C3: variants seen among roughly 807,000 people sequenced by gnomAD.
C3 encodes C3 and PZP-like alpha-2-macroglobulin domain-containing protein 1.
C3 carries 97 observed loss-of-function variants against 207.9 expected under a neutral mutation model. The observed-to-expected ratio is 0.47, with a 90% CI of 0.40 to 0.55. C3 has a LOEUF of 0.55. Among genes scored for constraint, C3 ranks in the 20% least tolerant of loss-of-function variants. The pLI is 0.00. For synonymous variants in C3, 848 were observed against 857.6 expected (o/e 0.99, Z 0.20); for missense variants, 1,684 against 2,171.7 (o/e 0.78, Z 4.46).
intron 26 of C3, 79 bp downstream of exon 26, chr19:6,692,845 G>T: frequency 6.5e-7 from 1 of 1,531,310 alleles, no homozygotes; most frequent in Non-Finnish European, 9.0e-7. Context: ...GCACATGGAG[G>T]TGGGGCTCTC....
Position 6,713,406 on chromosome 19 carries a change from C to CCGGA in C3, c.873_876dup (p.Ile293SerfsTer3). ...ATCAAAGCGGCCTCCGTCTATGGTACCGGAATGCGCTTGAGGGATTCAGGC... is the reference window on the plus strand; with the variant it reads ...ATCAAAGCGGCCTCCGTCTATGGTACCGGACGGAATGCGCTTGAGGGATTCAGGC... On this transcript the variant is annotated frameshift_variant and splice_region_variant. Coordinates refer to ENST00000245907, the MANE Select transcript of C3 (RefSeq NM_000064.4). LOFTEE classifies it high-confidence loss of function. 1 of 1,613,870 alleles carries CCGGA rather than the reference C, an allele frequency of 6.2e-7. No homozygotes were observed. The highest frequency in any genetic ancestry group is 1.7e-5 in the Admixed American group (1 of 60,012).
rs773643108 is a variant in C3, at chr19:6,693,408, T to C, written c.3230+4A>G. 3 of 1,608,686 alleles carry C rather than the reference T, an allele frequency of 1.9e-6. No homozygotes were observed. In the South Asian group the frequency reaches 3.3e-5, roughly 18 times the overall value. On this transcript the variant is annotated splice_donor_region_variant and intron_variant, in intron 25 of 40. Coordinates refer to ENST00000245907, the MANE Select transcript of C3 (RefSeq NM_000064.4). The stretch of plus-strand genomic sequence containing the variant: ...CATGGCCTGAGCTGGCTGTTGGGAC[T>C]CACCAGGTGCTGGGTGCCCGTTTCA...
rs773558774 is a variant in C3, at chr19:6,679,119, A to C, written c.4630+6T>G. 2 of 1,609,432 alleles carry C rather than the reference A, an allele frequency of 1.2e-6. No individual in the cohort carries two copies. The highest frequency in any genetic ancestry group is 2.2e-5 in the South Asian group (2 of 90,980). ...CATGCGTGACCCCCACCCATCACCC[A>C]CTCACCATAGTCCACTCCTGGCTCA... is the stretch of plus-strand genomic sequence containing the variant. On this transcript the variant is annotated splice_donor_region_variant and intron_variant, in intron 38 of 40. Transcript: ENST00000245907.
At chr19:6,694,682 ACCTT>A in intron 23 of C3, 48 bp from the exon 24 acceptor site, 1 of 1,568,802 alleles carries the variant, frequency 6.4e-7, no homozygotes, top group Non-Finnish European at 8.7e-7. Flanking sequence ...TGGGTGACCC[ACCTT>A]GGGGTGGCGT....
chr19:6,690,558 C>G, intron 27 of C3, 71 bp downstream of exon 27: 3 of 1,223,958 alleles, frequency 2.5e-6, no homozygotes, highest in Non-Finnish European at 3.6e-6. Flanking sequence ...AAGGCAACCT[C>G]TCACTCTCCA....
In C3 at chr19:6,693,078, G is replaced by A; in HGVS notation, c.3236C>T (p.Thr1079Ile). 1 of 1,613,992 alleles carries A rather than the reference G, an allele frequency of 6.2e-7. No individual in the cohort carries two copies. ...AGAGAAGACCTTGACCACGTAGGCG[G>A]TCAGCCTGGAGTGGGCACAGAGCAT... ...FVKRAPSTWL[T>I]AYVVKVFSLA... is the part of the protein sequence containing the mutation. The change falls in exon 26 of 41, where the codon ACC becomes ATC. Residue 1079 changes from threonine (T) to isoleucine (I), a missense_variant. By Grantham distance (89) the Thr-to-Ile change is moderately conservative. Coordinates refer to ENST00000245907, the MANE Select transcript of C3 (RefSeq NM_000064.4).
rs1415251352 is a variant in C3 at position 6,686,802 on chromosome 19, G to A, written c.3590C>T (p.Ala1197Val). ...AGGCCCCTTCAGCCTGCCCATCTGGGCCAGAGCATAGCCAGCAATGGCCAC... is the reference window on the plus strand; with the variant it reads ...AGGCCCCTTCAGCCTGCCCATCTGGACCAGAGCATAGCCAGCAATGGCCAC... ...YTVAIAGYAL[A>V]QMGRLKGPLL... Residue 1197 changes from alanine to valine, a missense_variant, in exon 28 of 41, where the codon GCC (alanine) becomes GTC (valine). Coordinates refer to ENST00000245907, the MANE Select transcript of C3 (RefSeq NM_000064.4). 6.2e-7 allele frequency: 1 copy of A among 1,614,180 alleles called. No individual in the cohort carries two copies. Among genetic ancestry groups the A allele is most frequent in the Non-Finnish European group, 8.5e-7 (1 of 1,180,032 alleles).
chr19:6,702,020 A>C, intron 19 of C3, 107 bp downstream of exon 19: 1 of 744,910 alleles, frequency 1.3e-6, no homozygotes, highest in African/African-American at 1.7e-5. Context: ...AGGGCAGAGA[A>C]TAAAGTGCCA....
chr19:6,695,453 CTA>C (rs957967738), intron 23 of C3, among the ~76,000 whole-genome samples: 1 of 152,046 alleles, frequency 6.6e-6, no homozygotes, highest in African/African-American at 2.4e-5. Context: ...TGCTCTTGTA[CTA>C]TGTTGCTTGT....
At position 6,718,391 on chromosome 19, in the gene C3, T is replaced by G; in HGVS notation, c.289A>C (p.Lys97Gln). 1 of 1,614,204 alleles carries G rather than the reference T, an allele frequency of 6.2e-7. No homozygotes were observed. ...TFTIPANREF[K>Q]SEKGRNKFVT... ...AACTTGTTGCGCCCCTTTTCTGACTTGAACTCCCTGTTGGCTGGGATCTAG... is the reference window on the plus strand; with the variant it reads ...AACTTGTTGCGCCCCTTTTCTGACTGGAACTCCCTGTTGGCTGGGATCTAG... The change falls in exon 3 of 41, where the codon AAG becomes CAG. Residue 97 changes from lysine (K) to glutamine (Q), a missense_variant. Transcript: ENST00000245907.
rs1477487433 is a variant in C3 at position 6,719,309 on chromosome 19, C to T, written c.169G>A (p.Val57Ile). 1 of 1,613,932 alleles carries T rather than the reference C, an allele frequency of 6.2e-7. No individual in the cohort carries two copies. The highest frequency in any genetic ancestry group is 1.3e-5 in the African/African-American group (1 of 74,850). Residue 57 changes from valine (V) to isoleucine (I), a missense_variant, in exon 2 of 41, where the codon GTT becomes ATT. Coordinates refer to ENST00000245907, the MANE Select transcript of C3 (RefSeq NM_000064.4). This position sits in a 1 kb window ranked among gnomAD's most constrained non-coding sequence, Gnocchi z 5.4. ...TTGCCTGGGAAGTCGTGGACAGTAA[C>T]AGTGACTGGAACATCCCCTTGCGCG... The part of the protein sequence containing the change: ...HDAQGDVPVT[V>I]TVHDFPGKKL...
Position 6,718,074 on chromosome 19 carries a change from G to C in C3, c.504+20C>G. The C allele has an allele frequency of 6.2e-7, 1 of 1,613,354 alleles. No individual in the cohort carries two copies. Among genetic ancestry groups the C allele is most frequent in the East Asian group, 2.2e-5 (1 of 44,876 alleles). On this transcript the variant is annotated intron_variant, in intron 4 of 40. Transcript: ENST00000245907. ...TAAGCCTGTGCCCCTGCTTCCCCTG[G>C]GGCCCCCTCTGGCTGGCACCTCAAT...
intron 35 of C3, among the ~76,000 whole-genome samples, chr19:6,680,998 A>T (rs1002788440): frequency 1.3e-5 from 2 of 152,106 alleles, no homozygotes; most frequent in Non-Finnish European, 2.9e-5. Context: ...CAGTAGTTTG[A>T]GACCAACTTG....
chr19:6,714,527 G>T, intron 4 of C3, 81 bp from the exon 5 acceptor site: 1 of 958,686 alleles, frequency 1.0e-6, no homozygotes, highest in Non-Finnish European at 1.7e-6. Context: ...TCCCCGACCT[G>T]TGTCTGGACA....
rs901606342 is a variant in C3 at position 6,686,909 on chromosome 19, G to A, written c.3490-7C>T. On this transcript the variant is annotated splice_region_variant and splice_polypyrimidine_tract_variant and intron_variant, in intron 27 of 40. Transcript: ENST00000245907. Reference sequence around the variant, plus strand: ...TGATGCTGCCTGGCAGGCTCTATGAGAAAGAGGATCAGATTCTCCGGTCAT... The same window carrying A: ...TGATGCTGCCTGGCAGGCTCTATGAAAAAGAGGATCAGATTCTCCGGTCAT... 3 of 1,614,002 alleles carry A rather than the reference G, an allele frequency of 1.9e-6. No homozygotes were observed. The African/African-American group carries it at 4.0e-5, about 22-fold the overall frequency.
At position 6,677,854 on chromosome 19, in the gene C3, T is replaced by G. The variant is rs779307101; in HGVS notation, c.*28A>C. 6.2e-7 allele frequency: 1 copy of G among 1,613,250 alleles called. No homozygotes were observed. Among genetic ancestry groups the G allele is most frequent in the African/African-American group, 1.3e-5 (1 of 74,830 alleles). ...GACACGTGAGATATAACTGAAGCTT[T>G]ATCTGGAGTGGGGGAATGGGGGTGT... On this transcript the variant is annotated 3_prime_UTR_variant, in exon 41 of 41. Transcript: ENST00000245907.
chr19:6,707,715 C>G (rs572868900), intron 15 of C3, 85 bp downstream of exon 15: 1 of 1,586,508 alleles, frequency 6.3e-7, no homozygotes, highest in Non-Finnish European at 8.6e-7. Context: ...TGAACCCAGG[C>G]CCCCGGTTTC....
chr19:6,697,601 C>T (rs1460616475), intron 20 of C3, 45 bp from the exon 21 acceptor site: 1 of 1,613,962 alleles, frequency 6.2e-7, no homozygotes, highest in Non-Finnish European at 8.5e-7. Context: ...GTGCAACAGG[C>T]TACCTACCCC....
At position 6,694,606 on chromosome 19, in the gene C3, A is replaced by T. The variant is rs199690614; in HGVS notation, c.2979T>A (p.Asp993Glu). ...GCTTCAGCCGTTCCGCGTCGACGGC[A>T]TCCTCTGTCATCTGGGCCACTGGGG... ...QGTPVAQMTE[D>E]AVDAERLKHL... The change falls in exon 24 of 41, where the codon GAT becomes GAA. Residue 993 changes from aspartate to glutamate, a missense_variant. Physicochemically the swap from Asp to Glu is conservative, Grantham distance 45 (BLOSUM62 2). Transcript: ENST00000245907. 6.2e-7 allele frequency: 1 copy of T among 1,613,266 alleles called. No individual in the cohort carries two copies. The highest frequency in any genetic ancestry group is 8.5e-7 in the Non-Finnish European group (1 of 1,179,904).
Sources: gnomAD v4.1 joint callset for allele counts (sites outside exome capture counted in the v4.1 genomes callset) on GRCh38, gnomAD v4.1.1 for gene constraint, Gnocchi (gnomAD v3.1) non-coding constraint, MANE v1.5 for transcripts, NCBI Gene and HGNC (gene_info 2026-07-23, HGNC 2026-07-21) for gene names.